ANKRD33B: variants seen among roughly 807,000 people sequenced by gnomAD.
The protein encoded by ANKRD33B is ankyrin repeat domain 33B, also known as ankyrin repeat domain-containing protein 33B.
In ANKRD33B, 6 loss-of-function variants were observed where a neutral mutation model predicts 21.5. The ratio of observed to expected loss-of-function variants is 0.28; its 90% CI spans 0.15 to 0.55. The LOEUF (loss-of-function observed/expected upper bound fraction) is 0.55, where lower values mean the gene tolerates loss of function less well. Among genes scored for constraint, ANKRD33B ranks in the 20% least tolerant of loss-of-function variants. The pLI is 0.94. For missense variants in ANKRD33B, 698 were observed against 747.2 expected (o/e 0.93, Z 0.77); for synonymous variants, 347 against 342.4 (o/e 1.01, Z -0.15).
chr5:10,645,018 G>A (rs1397131086), intron 3 of ANKRD33B, among the ~76,000 whole-genome samples: 1 of 152,226 alleles, frequency 6.6e-6, no homozygotes, highest in African/African-American at 2.4e-5. Flanking sequence ...ATGCTGGGAA[G>A]TTTATTTCCC....
intron 2 of ANKRD33B, 100 bp from the exon 3 acceptor site, chr5:10,637,928 G>T: frequency 7.3e-7 from 1 of 1,375,182 alleles, no homozygotes; most frequent in Non-Finnish European, 9.8e-7. Flanking sequence ...GCTGGCCCAG[G>T]GCTGACTCAG....
chr5:10,617,151 A>T (rs999582882), intron 1 of ANKRD33B, among the ~76,000 whole-genome samples: 1 of 152,130 alleles, frequency 6.6e-6, no homozygotes, highest in Non-Finnish European at 1.5e-5. Flanking sequence ...GCGCCATTCC[A>T]CTGGGAGCTA....
At chr5:10,636,957 T>C (rs1221944790) in intron 2 of ANKRD33B, among the ~76,000 whole-genome samples, 1 of 152,194 alleles carries the variant, frequency 6.6e-6, no homozygotes, top group African/African-American at 2.4e-5. Context: ...CTGGCATCTA[T>C]CGGGTAGAGA....
At chr5:10,611,779 T>C (rs1736177306) in intron 1 of ANKRD33B, among the ~76,000 whole-genome samples, 1 of 152,200 alleles carries the variant, frequency 6.6e-6, no homozygotes, top group African/African-American at 2.4e-5. Context: ...TGGCATATCG[T>C]AGAAATTGCA....
At chr5:10,589,871 G>A (rs1410173836) in intron 1 of ANKRD33B, among the ~76,000 whole-genome samples, 1 of 151,032 alleles carries the variant, frequency 6.6e-6, no homozygotes, top group Admixed American at 6.6e-5. Flanking sequence ...TTCCTATCCT[G>A]TGACACCAAA....
chr5:10,649,194 C>T, intron 3 of ANKRD33B, 72 bp from the exon 4 acceptor site: 1 of 1,460,458 alleles, frequency 6.8e-7, no homozygotes, highest in Non-Finnish European at 9.0e-7. Context: ...TTGCCTTTGC[C>T]CCAGGCTCTG....
At chr5:10,574,314 A>C (rs963061371) in intron 1 of ANKRD33B, among the ~76,000 whole-genome samples, 1 of 152,274 alleles carries the variant, frequency 6.6e-6, no homozygotes, top group Non-Finnish European at 1.5e-5. Flanking sequence ...ATGATTTAGA[A>C]TTATTAGCCC....
intron 1 of ANKRD33B, among the ~76,000 whole-genome samples, chr5:10,590,603 CG>C (rs1735662280): frequency 1.1e-5 from 1 of 94,476 alleles, no homozygotes; most frequent in African/African-American, 4.6e-5. Context: ...CGCGCGCGCG[CG>C]CGCGTGTGTG....
At chr5:10,617,170 A>T (rs779232423) in intron 1 of ANKRD33B, among the ~76,000 whole-genome samples, 1 of 152,172 alleles carries the variant, frequency 6.6e-6, no homozygotes, top group Non-Finnish European at 1.5e-5. Context: ...TAGGATTTTA[A>T]CATTTGGTAA....
At chr5:10,568,377 G>A (rs944105544) in intron 1 of ANKRD33B, among the ~76,000 whole-genome samples, 1 of 152,164 alleles carries the variant, frequency 6.6e-6, no homozygotes, top group Non-Finnish European at 1.5e-5. Flanking sequence ...TATGGCCTTG[G>A]CGGCTCTTGA....
intron 2 of ANKRD33B, among the ~76,000 whole-genome samples, chr5:10,636,642 T>C (rs1448941160): frequency 6.6e-6 from 1 of 152,070 alleles, no homozygotes; most frequent in Non-Finnish European, 1.5e-5. Flanking sequence ...GGATGGGAAC[T>C]GGGTACCCAG....
At chr5:10,565,009 C>T (rs1286697322) in intron 1 of ANKRD33B, among the ~76,000 whole-genome samples, 176 bp downstream of exon 1, 2 of 152,216 alleles carry the variant, frequency 1.3e-5, no homozygotes, top group African/African-American at 2.4e-5. Context: ...GTGGCTTCCC[C>T]GTCTCAGGCT....
intron 2 of ANKRD33B, among the ~76,000 whole-genome samples, chr5:10,632,556 C>G (rs1050351641): frequency 5.3e-5 from 8 of 152,294 alleles, no homozygotes; most frequent in Admixed American, 2.6e-4. Flanking sequence ...TAGGAGCTCT[C>G]TGAATCAAGC....
At position 10,611,456 on chromosome 5, in the gene ANKRD33B, C is replaced by T. The variant is rs113737558; in HGVS notation, c.367-6877C>T. Reference sequence around the variant, plus strand: ...TCTGTGTGGTTCGCCTGCTTTTCCCCAACACTGATCTGTGGTTAAGAGTTT... The same window carrying T: ...TCTGTGTGGTTCGCCTGCTTTTCCCTAACACTGATCTGTGGTTAAGAGTTT... On this transcript the variant is annotated intron_variant, in intron 1 of 3. Coordinates refer to ENST00000296657, the MANE Select transcript of ANKRD33B (RefSeq NM_001164440.2). Among the ~76,000 whole-genome samples the T allele has an allele frequency of 5.0e-3, 765 of 152,280 alleles. 7 individuals are homozygous for T. The highest frequency in any genetic ancestry group is 0.018 in the African/African-American group (734 of 41,540).
intron 1 of ANKRD33B, among the ~76,000 whole-genome samples, chr5:10,605,551 G>A (rs894960070): frequency 6.7e-6 from 1 of 148,996 alleles, no homozygotes; most frequent in Non-Finnish European, 1.5e-5. Context: ...TTTTTGAGGT[G>A]GAGTTTTGTT....
rs146564208 is a variant in ANKRD33B at position 10,601,747 on chromosome 5, T to G, written c.367-16586T>G. On this transcript the variant is annotated intron_variant, in intron 1 of 3. Transcript: ENST00000296657. ...GCATGCTCTCCGTGGATGTGCTGGT[T>G]TAGTCACACACATTTTAAGTGTGAC... Among the ~76,000 whole-genome samples the G allele has an allele frequency of 6.6e-3, 1,008 of 152,362 alleles. 9 individuals carry two copies. Among genetic ancestry groups the G allele is most frequent in the African/African-American group, 0.023 (951 of 41,586 alleles).
intron 3 of ANKRD33B, among the ~76,000 whole-genome samples, chr5:10,644,242 G>A (rs1159200734): frequency 6.6e-6 from 1 of 152,204 alleles, no homozygotes; most frequent in South Asian, 2.1e-4. Context: ...GAGGCTGATC[G>A]ATTGCATCTT....
chr5:10,624,047 T>C (rs1413036916), intron 2 of ANKRD33B, among the ~76,000 whole-genome samples: 2 of 152,230 alleles, frequency 1.3e-5, no homozygotes, highest in Non-Finnish European at 2.9e-5. Context: ...ATGGGTTTAC[T>C]CTGCCTTTTC....
intron 3 of ANKRD33B, among the ~76,000 whole-genome samples, chr5:10,643,565 C>T (rs1205572098): frequency 6.6e-6 from 1 of 152,114 alleles, no homozygotes; most frequent in African/African-American, 2.4e-5. Context: ...TCTGTAATCT[C>T]AGCACTGTGG....
Sources: gnomAD v4.1 joint callset for allele counts (sites outside exome capture counted in the v4.1 genomes callset) on GRCh38, gnomAD v4.1.1 for gene constraint, MANE v1.5 for transcripts, NCBI Gene and HGNC (gene_info 2026-07-23, HGNC 2026-07-21) for gene names.